The following RAB21 variants were observed in gnomAD, a reference collection of about 807,000 sequenced individuals.
The protein encoded by RAB21 is RAB21, member RAS oncogene family.
RAB21 carries 13 observed loss-of-function variants against 33.1 expected under a neutral mutation model. That is an observed-to-expected ratio of 0.39 (90% confidence interval 0.26 to 0.62). The LOEUF (loss-of-function observed/expected upper bound fraction) is 0.62. Among genes scored for constraint, RAB21 ranks in the 20% least tolerant of loss-of-function variants. RAB21 has a pLI of 0.48. For synonymous variants in RAB21, 91 were observed against 103.7 expected (o/e 0.88, Z 0.74); for missense variants, 234 against 279.1 (o/e 0.84, Z 1.15).
At chr12:71,773,636 A>G (rs1883075946) in intron 3 of RAB21, among the ~76,000 whole-genome samples, 2 of 152,152 alleles carry the variant, frequency 1.3e-5, no homozygotes, top group Non-Finnish European at 2.9e-5. Flanking sequence ...ACTGTTATCT[A>G]TATTGTTAAA....
intron 1 of RAB21, among the ~76,000 whole-genome samples, chr12:71,763,997 A>G (rs1388917660): frequency 2.0e-5 from 3 of 152,194 alleles, no homozygotes; most frequent in Non-Finnish European, 4.4e-5. Flanking sequence ...ATAAATATCT[A>G]CTTCACAGAG....
rs571734630 is a variant in RAB21, at chr12:71,775,771, A to G, written c.391+1749A>G. Among the ~76,000 whole-genome samples the G allele has an allele frequency of 1.1e-4, 17 of 152,186 alleles. No homozygotes were observed. The South Asian group carries it at 2.7e-3, about 24-fold the overall frequency. ...AGGCTGTTCTCAAACTCCTGACCTCATGACCCACCCGCCTCAGCCTCCCAA... is the reference window on the plus strand; with the variant it reads ...AGGCTGTTCTCAAACTCCTGACCTCGTGACCCACCCGCCTCAGCCTCCCAA... On this transcript the variant is annotated intron_variant, in intron 4 of 6. Coordinates refer to ENST00000261263, the MANE Select transcript of RAB21 (RefSeq NM_014999.4).
At chr12:71,777,532 T>C (rs760096995) in intron 4 of RAB21, among the ~76,000 whole-genome samples, 7 of 152,246 alleles carry the variant, frequency 4.6e-5, no homozygotes, top group Non-Finnish European at 1.0e-4. Context: ...GTTTTATTAG[T>C]AACTTTGAAA....
At chr12:71,782,494 G>A (rs926553475) in intron 5 of RAB21, 76 bp from the exon 6 acceptor site, 7 of 972,734 alleles carry the variant, frequency 7.2e-6, no homozygotes, top group South Asian at 1.7e-5. Flanking sequence ...CACTAAAACT[G>A]TTACTATAAA....
At chr12:71,762,291 T>G (rs117888716) in intron 1 of RAB21, among the ~76,000 whole-genome samples, 139 of 140,850 alleles carry the variant, frequency 9.9e-4, no homozygotes, top group South Asian at 2.3e-3. Flanking sequence ...GCTTAGGTTT[T>G]GTTTTGTTTT....
Position 71,793,850 on chromosome 12 carries a change from A to T in RAB21, c.*8177A>T, listed in dbSNP as rs11178947. On this transcript the variant is annotated 3_prime_UTR_variant, in exon 7 of 7. Coordinates refer to ENST00000261263, the MANE Select transcript of RAB21 (RefSeq NM_014999.4). ...CTAGGTTCTAGGCTAATAATTTACT[A>T]CTTTGGTATGTTGCCTTGAGGCTGA... The T allele has an allele frequency of 6.6e-6, 1 of 152,118 alleles. No homozygotes were observed. Among genetic ancestry groups the T allele is most frequent in the Admixed American group, 6.5e-5 (1 of 15,278 alleles). The allele number at this position is 152,118 out of a possible 1,614,324, so 9.4% of individuals were successfully genotyped here. A position where few individuals can be genotyped will look rare whatever the true frequency, so the allele number is the denominator to read the frequency against.
intron 1 of RAB21, among the ~76,000 whole-genome samples, chr12:71,762,200 A>C (rs1882882158): frequency 6.6e-6 from 1 of 152,194 alleles, no homozygotes; most frequent in Non-Finnish European, 1.5e-5. Flanking sequence ...TCCTTTTGAA[A>C]GTCTTTATTT....
chr12:71,775,839 AT>A (rs71068801), intron 4 of RAB21, among the ~76,000 whole-genome samples: 23,738 of 151,908 alleles, frequency 0.16, 2,330 homozygotes, highest in East Asian at 0.33. Flanking sequence ...CCGGCCAAGA[AT>A]TTTTTTTAAC....
chr12:71,760,810 G>A (rs1322521184), intron 1 of RAB21, among the ~76,000 whole-genome samples: 9 of 151,906 alleles, frequency 5.9e-5, no homozygotes, highest in Non-Finnish European at 2.9e-5. Flanking sequence ...AATTCTGCTT[G>A]CCTCCTGAAG....
At position 71,754,898 on chromosome 12, in the gene RAB21, G is replaced by C. The variant is rs781724404; in HGVS notation, c.-232G>C. 1.4e-4 allele frequency: 27 copies of C among 196,252 alleles called. No individual in the cohort carries two copies. Among genetic ancestry groups the C allele is most frequent in the Admixed American group, 7.0e-4 (11 of 15,672 alleles). 12.2% of individuals were successfully genotyped at this position (196,252 alleles called of 1,614,324 possible). ...GGAGACGCCATTAGAGGGAGGCAGA[G>C]AGGGATCGTTCTTCGCTTTTCCTCC... On this transcript the variant is annotated 5_prime_UTR_variant, in exon 1 of 7. Coordinates refer to ENST00000261263, the MANE Select transcript of RAB21 (RefSeq NM_014999.4).
chr12:71,786,700 G>C lies in RAB21; in HGVS notation c.*1027G>C, dbSNP rs1046189441. On this transcript the variant is annotated 3_prime_UTR_variant, in exon 7 of 7. Transcript: ENST00000261263. ...AAGATCATAGCTCCCCTTCACTTCTGTCTTAACTTGAACATGGCGTGTTTA... is the reference window on the plus strand; with the variant it reads ...AAGATCATAGCTCCCCTTCACTTCTCTCTTAACTTGAACATGGCGTGTTTA... 6.6e-6 allele frequency: 1 copy of C among 152,574 alleles called. No individual in the cohort carries two copies. The highest frequency in any genetic ancestry group is 2.4e-5 in the African/African-American group (1 of 41,428). 9.5% of individuals were successfully genotyped at this position (152,574 alleles called of 1,614,324 possible).
At chr12:71,772,735 T>C (rs1222207348) in intron 3 of RAB21, among the ~76,000 whole-genome samples, 3 of 152,186 alleles carry the variant, frequency 2.0e-5, no homozygotes, top group African/African-American at 7.2e-5. Flanking sequence ...TTTTCTTATG[T>C]GAAATCAATA....
rs1883508303 is a variant in RAB21, at chr12:71,799,419, A to C, written c.*13746A>C. ...CTGCATTGAAAGCTGACTGATCTGG[A>C]GGGCAATTGGGCAACAGCAATCAAA... On this transcript the variant is annotated 3_prime_UTR_variant, in exon 7 of 7. Transcript: ENST00000261263. The C allele has an allele frequency of 1.3e-5, 2 of 152,224 alleles. No individual in the cohort carries two copies. The highest frequency in any genetic ancestry group is 4.1e-4 in the South Asian group (2 of 4,832). The allele number at this position is 152,224 out of a possible 1,614,324, so 9.4% of individuals were successfully genotyped here. A position where few individuals can be genotyped will look rare whatever the true frequency, so the allele number is the denominator to read the frequency against.
chr12:71,778,855 G>A (rs1381781462), intron 4 of RAB21, among the ~76,000 whole-genome samples: 2 of 152,110 alleles, frequency 1.3e-5, no homozygotes, highest in Admixed American at 6.6e-5. Context: ...GGTAGAGTGC[G>A]TTACCTGCAA....
At chr12:71,769,662 G>A (rs1015820496) in intron 1 of RAB21, 138 bp from the exon 2 acceptor site, 5 of 409,798 alleles carry the variant, frequency 1.2e-5, no homozygotes, top group Non-Finnish European at 2.2e-5. Flanking sequence ...AAACAATTTC[G>A]ATCATTAATT....
intron 4 of RAB21, among the ~76,000 whole-genome samples, chr12:71,780,835 G>GA (rs1883187138): frequency 6.6e-6 from 1 of 151,946 alleles, no homozygotes; most frequent in African/African-American, 2.4e-5. Context: ...ATGGTTCCAA[G>GA]AAAAAAAGTA....
chr12:71,794,661 A>T lies in RAB21; in HGVS notation c.*8988A>T, dbSNP rs1292849769. 6.9e-6 allele frequency: 1 copy of T among 145,662 alleles called. No homozygotes were observed. The highest frequency in any genetic ancestry group is 6.8e-5 in the Admixed American group (1 of 14,608). 9.0% of individuals were successfully genotyped at this position (145,662 alleles called of 1,614,324 possible). On this transcript the variant is annotated 3_prime_UTR_variant, in exon 7 of 7. Coordinates refer to ENST00000261263, the MANE Select transcript of RAB21 (RefSeq NM_014999.4). ...CACCGTGTTAGCCAGGATGGTCTCT[A>T]TCTCCTGACCTTGTTATCCGCCCGC...
intron 4 of RAB21, chr12:71,774,379 T>C (rs1883089010): frequency 1.4e-5 from 2 of 141,700 alleles, no homozygotes; most frequent in African/African-American, 5.5e-5. Context: ...AGTGGGAGAA[T>C]CACTTGAATC....
At chr12:71,767,416 G>T (rs1351094004) in intron 1 of RAB21, among the ~76,000 whole-genome samples, 1 of 152,134 alleles carries the variant, frequency 6.6e-6, no homozygotes, top group African/African-American at 2.4e-5. Flanking sequence ...TGTCAGCAGG[G>T]ATGTTCAAGC....
Sources: gnomAD v4.1 joint callset for allele counts (sites outside exome capture counted in the v4.1 genomes callset) on GRCh38, gnomAD v4.1.1 for gene constraint, MANE v1.5 for transcripts, NCBI Gene and HGNC (gene_info 2026-07-23, HGNC 2026-07-21) for gene names.